ZNF248: variants seen among roughly 807,000 people sequenced by gnomAD.
ZNF248 encodes the protein KRAB protein domain.
In ZNF248, 20 loss-of-function variants were observed where a neutral mutation model predicts 44.3. That is an observed-to-expected ratio of 0.45 (90% confidence interval 0.32 to 0.66). The LOEUF (loss-of-function observed/expected upper bound fraction) is 0.66. ZNF248 is among the 30% of genes least tolerant of loss of function. ZNF248 has a pLI of 0.04. For missense variants in ZNF248, 654 were observed against 677.0 expected (o/e 0.97, Z 0.38); for synonymous variants, 224 against 229.0 (o/e 0.98, Z 0.20).
At chr10:37,771,046 G>T in the ZNF248 span, among the ~76,000 whole-genome samples, 3 of 152,198 alleles carry the variant, frequency 2.0e-5, no homozygotes, top group Non-Finnish European at 2.9e-5. Context: ...GGCCATCAGA[G>T]AAATGCAAAT....
chr10:37,857,378 C>G lies in ZNF248; in HGVS notation c.-319G>C, dbSNP rs557426701. ...GGCCAGCCCCTTCGCTCCTGCACTCCACGGGCAGAGAGGCCCTTGGGGCCG... is the reference window on the plus strand; with the variant it reads ...GGCCAGCCCCTTCGCTCCTGCACTCGACGGGCAGAGAGGCCCTTGGGGCCG... On this transcript the variant is annotated 5_prime_UTR_variant, in exon 1 of 6. Transcript: ENST00000395867. The G allele has an allele frequency of 3.3e-4, 50 of 152,430 alleles. No homozygotes were observed. Among genetic ancestry groups the G allele is most frequent in the African/African-American group, 1.2e-3 (49 of 41,580 alleles). 9.4% of individuals were successfully genotyped at this position (152,430 alleles called of 1,614,324 possible).
the ZNF248 span, among the ~76,000 whole-genome samples, chr10:37,761,317 A>T: frequency 6.6e-6 from 1 of 152,180 alleles, no homozygotes; most frequent in African/African-American, 2.4e-5. Context: ...GAACAGAGGG[A>T]TGGGGTGCTG....
rs1360830523 is a variant in ZNF248 at position 37,820,601 on chromosome 10, C to T, written c.330+12424G>A. 14 of 1,587,618 alleles carry T rather than the reference C, an allele frequency of 8.8e-6. No homozygotes were observed. In the Middle Eastern group the frequency reaches 5.1e-4, roughly 58 times the overall value. On this transcript the variant is annotated intron_variant, in intron 6 of 6. Transcript: ENST00000615949. Reference sequence around the variant, plus strand: ...AAACTCAAAGTAATCACTAATTTTACGTCCCCCAGCAGTGCCTTTCCCTTG... The same window carrying T: ...AAACTCAAAGTAATCACTAATTTTATGTCCCCCAGCAGTGCCTTTCCCTTG...
At chr10:37,776,954 C>T (rs372857595) in intron 6 of ZNF248, among the ~76,000 whole-genome samples, 5 of 152,068 alleles carry the variant, frequency 3.3e-5, no homozygotes, top group African/African-American at 1.2e-4. Flanking sequence ...AATAAAAGAG[C>T]TAATGAGAAG....
chr10:37,829,779 A>C lies in ZNF248; in HGVS notation c.*1836T>G. 4.1e-6 allele frequency: 4 copies of C among 985,430 alleles called. No homozygotes were observed. The highest frequency in any genetic ancestry group is 4.8e-6 in the Non-Finnish European group (4 of 829,926). The allele number at this position is 985,430 out of a possible 1,614,324, so 61.0% of individuals were successfully genotyped here. Reference sequence around the variant, plus strand: ...TCTCATGTCATGACAATGTTGTATCAAGGAGATCTTTCCCAGAAGTACTAC... The same window carrying C: ...TCTCATGTCATGACAATGTTGTATCCAGGAGATCTTTCCCAGAAGTACTAC... On this transcript the variant is annotated 3_prime_UTR_variant, in exon 6 of 6. Transcript: ENST00000395867.
rs1206855042 is a variant in ZNF248, at chr10:37,832,476, C to G, written c.879G>C (p.Lys293Asn). 6.2e-7 allele frequency: 1 copy of G among 1,613,922 alleles called. No homozygotes were observed. Among genetic ancestry groups the G allele is most frequent in the Non-Finnish European group, 8.5e-7 (1 of 1,179,928 alleles). Residue 293 changes from lysine to asparagine, a missense_variant, in exon 6 of 6, where the codon AAG (lysine) becomes AAC (asparagine). By Grantham distance (94) the Lys-to-Asn change is moderately conservative (BLOSUM62 0). Transcript: ENST00000395867. The part of the protein sequence containing the change: ...LRFGHQRALT[K>N]DNPYEYNEYG... ...ATTCATTATATTCATAAGGATTGTC[C>G]TTTGTAAGAGCTCTCTGATGTCCAA...
At chr10:37,813,534 G>A (rs541053023) in intron 6 of ZNF248, among the ~76,000 whole-genome samples, 6 of 152,036 alleles carry the variant, frequency 3.9e-5, no homozygotes, top group Non-Finnish European at 8.8e-5. Flanking sequence ...TGATGACAAT[G>A]AGGATGAAGA....
Position 37,820,228 on chromosome 10 carries a change from T to C in ZNF248, c.330+12797A>G, listed in dbSNP as rs2053233789. On this transcript the variant is annotated intron_variant, in intron 6 of 6. Transcript: ENST00000615949. ...ATTGTGAGGTCGGACTGGGTCTGTC[T>C]GTGCCAGATGGAGATCTGTTTTTGG... The C allele has an allele frequency of 3.7e-6, 5 of 1,333,380 alleles. No homozygotes were observed. In the Admixed American group the frequency reaches 5.1e-5, roughly 13 times the overall value. 82.6% of individuals were successfully genotyped at this position (1,333,380 alleles called of 1,614,324 possible). A position where few individuals can be genotyped will look rare whatever the true frequency, so the allele number is the denominator to read the frequency against.
chr10:37,854,977 C>T (rs2061015528), intron 3 of ZNF248, among the ~76,000 whole-genome samples: 2 of 152,182 alleles, frequency 1.3e-5, no homozygotes, highest in African/African-American at 4.8e-5. Flanking sequence ...TCCACAGCTA[C>T]TAAATCAGAA....
intron 6 of ZNF248, among the ~76,000 whole-genome samples, chr10:37,801,516 T>C (rs2049830570): frequency 6.6e-6 from 1 of 152,016 alleles, no homozygotes; most frequent in Non-Finnish European, 1.5e-5. Context: ...AGAGAAAAAC[T>C]TGGAGAGTTG....
intron 6 of ZNF248, among the ~76,000 whole-genome samples, chr10:37,788,211 G>T (rs1401651840): frequency 6.8e-6 from 1 of 147,528 alleles, no homozygotes; most frequent in African/African-American, 2.5e-5. Context: ...GTTGCAGTGA[G>T]CCAAGATCGT....
chr10:37,845,238 G>A (rs902178357), intron 3 of ZNF248, among the ~76,000 whole-genome samples: 3 of 151,664 alleles, frequency 2.0e-5, no homozygotes, highest in Admixed American at 6.6e-5. Flanking sequence ...GGCTGGTCTC[G>A]AACTCCTGGA....
At chr10:37,837,230 C>G (rs2057399986) in intron 5 of ZNF248, among the ~76,000 whole-genome samples, 1 of 152,092 alleles carries the variant, frequency 6.6e-6, no homozygotes, top group African/African-American at 2.4e-5. Context: ...TCTCCTGTCT[C>G]AGCCTCCCAA....
intron 6 of ZNF248, among the ~76,000 whole-genome samples, chr10:37,787,415 G>C (rs1258241029): frequency 1.3e-5 from 2 of 152,082 alleles, no homozygotes; most frequent in African/African-American, 4.8e-5. Flanking sequence ...TTGAGTCCAG[G>C]AATAAACTTT....
At chr10:37,828,633 A>C, downstream of ZNF248, 1 of 964,736 alleles carries the variant, frequency 1.0e-6, no homozygotes, top group Non-Finnish European at 1.2e-6. Flanking sequence ...GATCACAATG[A>C]CATGTTCTAT....
chr10:37,767,851 A>G, the ZNF248 span, among the ~76,000 whole-genome samples: 1 of 152,204 alleles, frequency 6.6e-6, no homozygotes, highest in Admixed American at 6.5e-5. Context: ...AAGAGTCAAG[A>G]CCCATCAGTG....
At position 37,830,369 on chromosome 10, in the gene ZNF248, T is replaced by A. The variant is rs2055294748; in HGVS notation, c.*1246A>T. ...TGCCAGGAAACAGTCAGAGGAAAGG[T>A]ACGTGATATAGTTCTTTGTGAAATA... On this transcript the variant is annotated 3_prime_UTR_variant, in exon 6 of 6. Transcript: ENST00000395867. 1.0e-6 allele frequency: 1 copy of A among 985,372 alleles called. No homozygotes were observed. Among genetic ancestry groups the A allele is most frequent in the South Asian group, 4.7e-5 (1 of 21,292 alleles). 61.0% of individuals were successfully genotyped at this position (985,372 alleles called of 1,614,324 possible).
chr10:37,837,764 G>T, intron 4 of ZNF248, 52 bp from the exon 5 acceptor site: 2 of 1,529,260 alleles, frequency 1.3e-6, no homozygotes, highest in Non-Finnish European at 1.8e-6. Flanking sequence ...GGTTTCAGGG[G>T]CTCTGAATAC....
rs1294252114 is a variant in ZNF248, at chr10:37,829,712, C to A, written c.*1903G>T. 1.0e-6 allele frequency: 1 copy of A among 985,202 alleles called. No homozygotes were observed. The highest frequency in any genetic ancestry group is 1.2e-6 in the Non-Finnish European group (1 of 829,928). 61.0% of individuals were successfully genotyped at this position (985,202 alleles called of 1,614,324 possible). ...CCCTTCAGAGATAAAAACGATAAGC[C>A]AATACCATGTTACAGACATGAAAAA... On this transcript the variant is annotated 3_prime_UTR_variant, in exon 6 of 6. Coordinates refer to ENST00000395867, the MANE Select transcript of ZNF248 (RefSeq NM_021045.3).
Sources: allele counts gnomAD v4.1 joint callset (sites outside exome capture counted in the v4.1 genomes callset), GRCh38; gene constraint gnomAD v4.1.1; transcripts MANE v1.5; gene names NCBI Gene and HGNC (gene_info 2026-07-23, HGNC 2026-07-21).